Variants in FHDC1 observed in about 807,000 individuals in gnomAD.
FHDC1 encodes FH2 domain containing 1.
A neutral mutation model predicts 52.6 loss-of-function variants in FHDC1; 25 were observed. The ratio of observed to expected loss-of-function variants is 0.48; its 90% CI spans 0.35 to 0.66. The LOEUF (loss-of-function observed/expected upper bound fraction) is 0.66, where lower values mean the gene tolerates loss of function less well. FHDC1 is among the 30% of genes least tolerant of loss of function. The pLI is 0.01. For missense variants in FHDC1, 1,459 were observed against 1,452.8 expected (o/e 1.00, Z -0.07); for synonymous variants, 616 against 581.5 (o/e 1.06, Z -0.85).
the FHDC1 span, among the ~76,000 whole-genome samples, chr4:152,922,383 A>C: frequency 6.6e-6 from 1 of 152,240 alleles, no homozygotes; most frequent in Non-Finnish European, 1.5e-5. Context: ...CCAACCAAAA[A>C]GAGTCCGGGA....
chr4:152,922,865 A>G, the FHDC1 span, among the ~76,000 whole-genome samples: 2 of 150,796 alleles, frequency 1.3e-5, no homozygotes, highest in Non-Finnish European at 3.0e-5. Flanking sequence ...TCTCAAAATA[A>G]TAAGAGCTAT....
intron 2 of FHDC1, among the ~76,000 whole-genome samples, chr4:152,952,248 C>T (rs1739948553): frequency 6.6e-6 from 1 of 152,084 alleles, no homozygotes; most frequent in South Asian, 2.1e-4. Context: ...TTTATTGGTT[C>T]TTTTACGTCC....
At chr4:152,947,546 C>T (rs1167618407) in intron 2 of FHDC1, among the ~76,000 whole-genome samples, 1 of 152,184 alleles carries the variant, frequency 6.6e-6, no homozygotes, top group African/African-American at 2.4e-5. Flanking sequence ...TCTGCCTCTA[C>T]AGTTTGACCA....
upstream of FHDC1, among the ~76,000 whole-genome samples, chr4:152,935,670 G>A (rs1375604783): frequency 6.6e-6 from 1 of 152,184 alleles, no homozygotes; most frequent in Non-Finnish European, 1.5e-5. Context: ...CAGCTTGGCA[G>A]GCCCCAGGGA....
chr4:152,942,580 C>T (rs1042021702), intron 1 of FHDC1, among the ~76,000 whole-genome samples: 1 of 152,174 alleles, frequency 6.6e-6, no homozygotes, highest in Non-Finnish European at 1.5e-5. Flanking sequence ...AGGGGTTGGG[C>T]AACCATTGTC....
chr4:152,923,226 AG>A, the FHDC1 span, among the ~76,000 whole-genome samples: 2 of 152,214 alleles, frequency 1.3e-5, no homozygotes, highest in Non-Finnish European at 2.9e-5. Context: ...AGACAAACAG[AG>A]AGCCAAATCA....
At chr4:152,945,262 C>A (rs767072749) in intron 2 of FHDC1, among the ~76,000 whole-genome samples, 2 of 152,124 alleles carry the variant, frequency 1.3e-5, no homozygotes, top group Non-Finnish European at 2.9e-5. Context: ...GCAGAGATGT[C>A]CATTTCTAAA....
At chr4:152,955,936 C>T (rs2149947853) in intron 4 of FHDC1, among the ~76,000 whole-genome samples, 1 of 152,182 alleles carries the variant, frequency 6.6e-6, no homozygotes, top group East Asian at 1.9e-4. Context: ...GTGTTCCTAT[C>T]AACCTGGCCG....
At chr4:152,928,036 C>A in the FHDC1 span, 1 of 1,445,252 alleles carries the variant, frequency 6.9e-7, no homozygotes, top group Non-Finnish European at 9.7e-7. Context: ...CCCTGAGTGG[C>A]TCCTCCATCC....
chr4:152,943,461 A>C lies in FHDC1; in HGVS notation c.404A>C (p.Glu135Ala). ...HHYQIDTKTI[E>A]ELFGQQEDTT... Reference sequence around the variant, plus strand: ...TACCAAATTGATACAAAGACCATTGAGGAGCTCTTTGGGCAGCAGGAAGAC... The same window carrying C: ...TACCAAATTGATACAAAGACCATTGCGGAGCTCTTTGGGCAGCAGGAAGAC... Residue 135 changes from glutamate (E) to alanine (A), a missense_variant, in exon 2 of 12, where the codon GAG becomes GCG. Physicochemically the swap from Glu to Ala is moderately radical, Grantham distance 107. Coordinates refer to ENST00000511601, the MANE Select transcript of FHDC1 (RefSeq NM_001371116.1). 1 of 1,614,078 alleles carries C rather than the reference A, an allele frequency of 6.2e-7. No homozygotes were observed. Among genetic ancestry groups the C allele is most frequent in the Non-Finnish European group, 8.5e-7 (1 of 1,180,008 alleles).
chr4:152,966,752 A>G (rs1042712355), intron 9 of FHDC1, among the ~76,000 whole-genome samples: 1 of 152,146 alleles, frequency 6.6e-6, no homozygotes, highest in Non-Finnish European at 1.5e-5. Context: ...CTGAGCTACC[A>G]TGCCAGGCCC....
chr4:152,921,121 GTTATAT>G, the FHDC1 span, among the ~76,000 whole-genome samples: 2 of 151,780 alleles, frequency 1.3e-5, no homozygotes, highest in East Asian at 3.9e-4. Flanking sequence ...AAAAATACCT[GTTATAT>G]TTATAACTTC....
At chr4:152,928,781 C>G in the FHDC1 span, among the ~76,000 whole-genome samples, 4 of 151,948 alleles carry the variant, frequency 2.6e-5, no homozygotes, top group Non-Finnish European at 4.4e-5. Flanking sequence ...CTGGGGGTGT[C>G]ACTTCACACT....
At position 152,951,928 on chromosome 4, in the gene FHDC1, C is replaced by T. The variant is rs187164014; in HGVS notation, c.499-1571C>T. The stretch of plus-strand genomic sequence containing the variant: ...TTTGATCAGTGAAAACCTGCTACAG[C>T]TCAATCTGGGTTTTGACAGAATAGC... On this transcript the variant is annotated intron_variant, in intron 2 of 11. Coordinates refer to ENST00000511601, the MANE Select transcript of FHDC1 (RefSeq NM_001371116.1). Among the ~76,000 whole-genome samples the T allele has an allele frequency of 2.0e-5, 3 of 152,274 alleles. No individual in the cohort carries two copies. In the East Asian group the frequency reaches 5.8e-4, roughly 29 times the overall value.
chr4:152,976,948 T>A lies in FHDC1; in HGVS notation c.*225T>A. ...GTCCAGATGGATGCACGTTCACTACTGTGACGGCCGCACCTCCCCCATGCA... is the reference window on the plus strand; with the variant it reads ...GTCCAGATGGATGCACGTTCACTACAGTGACGGCCGCACCTCCCCCATGCA... On this transcript the variant is annotated 3_prime_UTR_variant, in exon 12 of 12. Transcript: ENST00000511601. 2.3e-6 allele frequency: 1 copy of A among 427,816 alleles called. No homozygotes were observed. Among genetic ancestry groups the A allele is most frequent in the Non-Finnish European group, 4.0e-6 (1 of 253,000 alleles). The allele number at this position is 427,816 out of a possible 1,614,324, so 26.5% of individuals were successfully genotyped here.
At chr4:152,944,217 G>A (rs1343036182) in intron 2 of FHDC1, among the ~76,000 whole-genome samples, 3 of 152,076 alleles carry the variant, frequency 2.0e-5, no homozygotes, top group Non-Finnish European at 4.4e-5. Context: ...TAAATTACAG[G>A]AAGTTAACTG....
In FHDC1 at chr4:152,943,146, C is replaced by G. The variant is rs759971141; in HGVS notation, c.89C>G (p.Pro30Arg). 8 of 1,613,932 alleles carry G rather than the reference C, an allele frequency of 5.0e-6. No individual in the cohort carries two copies. Among genetic ancestry groups the G allele is most frequent in the Non-Finnish European group, 6.8e-6 (8 of 1,179,962 alleles). Residue 30 changes from proline to arginine, a missense_variant, in exon 2 of 12, where the codon CCT becomes CGT. Physicochemically the swap from Pro to Arg is moderately radical, Grantham distance 103. Around this residue, in one of 3 missense-constraint regions of FHDC1, gnomAD observed 513 missense variants for 581.5 expected, o/e 0.88. Transcript: ENST00000511601. ...CCTGGATTCATGATTGGGCAGACAC[C>G]TCCTCCAGCACCTCCTCCACCTCCT... ...TAPGFMIGQT[P>R]PPAPPPPPPP...
chr4:152,944,287 A>G (rs919319900), intron 2 of FHDC1, among the ~76,000 whole-genome samples: 12 of 152,198 alleles, frequency 7.9e-5, no homozygotes, highest in Middle Eastern at 3.2e-3. Context: ...CAAAAATTAC[A>G]TTTATAAGTA....
intron 10 of FHDC1, among the ~76,000 whole-genome samples, chr4:152,971,112 G>A (rs959513107): frequency 4.6e-5 from 7 of 152,156 alleles, no homozygotes; most frequent in Non-Finnish European, 8.8e-5. Context: ...GCTTACCCCT[G>A]TAATCCCAGC....
Sources: allele counts gnomAD v4.1 joint callset (sites outside exome capture counted in the v4.1 genomes callset), GRCh38; gene constraint gnomAD v4.1.1; regional missense constraint gnomAD v4.1.1; transcripts MANE v1.5; gene names NCBI Gene and HGNC (gene_info 2026-07-23, HGNC 2026-07-21).